The following RBFOX1 variants were observed in gnomAD, a reference collection of about 807,000 sequenced individuals.
The protein encoded by RBFOX1 is RNA binding protein fox-1 homolog 1.
A neutral mutation model predicts 57.7 loss-of-function variants in RBFOX1; 8 were observed. The ratio of observed to expected loss-of-function variants is 0.14; its 90% confidence interval spans 0.08 to 0.25. The LOEUF is 0.25. Ranked by LOEUF, RBFOX1 falls within the 10% of genes least tolerant of loss-of-function variation. The pLI is 1.00. For missense variants in RBFOX1, 611 were observed against 548.5 expected, an observed-to-expected ratio of 1.11 and a Z score of -1.14; for synonymous variants, 326 against 222.4, an observed-to-expected ratio of 1.47 and a Z score of -4.15.
chr16:7,699,399 C>T (rs983182456), intron 14 of RBFOX1, among the ~76,000 whole-genome samples: 1 of 152,122 alleles, frequency 6.6e-6, no homozygotes, highest in Admixed American at 6.6e-5. Flanking sequence ...GTTCTATTGC[C>T]CAGGCTGATC....
chr16:5,570,745 C>T lies in RBFOX1; in HGVS notation c.259-28157C>T, dbSNP rs1014607811. 4.0e-5 allele frequency among the ~76,000 whole-genome samples: 6 copies of T among 151,098 alleles called. 1 individual carries two copies. In the Middle Eastern group the frequency reaches 0.014, roughly 343 times the overall value. ...ATCCCAGTTACTCGGGAGGCTGAGG[C>T]ATGAGAATTGCTTGAACCCGGGAGA... On this transcript the variant is annotated intron_variant, in intron 2 of 2. Coordinates refer to the RBFOX1 transcript ENST00000585867.
chr16:6,327,087 C>A (rs1233577212), intron 2 of RBFOX1, among the ~76,000 whole-genome samples: 1 of 152,156 alleles, frequency 6.6e-6, no homozygotes, highest in African/African-American at 2.4e-5. Context: ...TAACATGCAC[C>A]ACTGTCCACA....
intron 1 of RBFOX1, among the ~76,000 whole-genome samples, chr16:6,077,684 T>TTTTATTTATTTATTTA (rs371733627): frequency 0.29 from 41,795 of 142,474 alleles, 6,874 homozygotes; most frequent in Non-Finnish European, 0.39. Context: ...CTTCTTTTAT[T>TTTTATTTATTTATTTA]TTTACTTATT....
At position 5,725,926 on chromosome 16, in the gene RBFOX1, C is replaced by T. The variant is rs192989611; in HGVS notation, c.318+126965C>T. ...TAATTCCTGAGCACTCAGTTCCTTC[C>T]TTTGCTGATGTGATGACATCCATAC... is the stretch of plus-strand genomic sequence containing the variant. On this transcript the variant is annotated intron_variant, in intron 3 of 19. Transcript: ENST00000641259. Among the ~76,000 whole-genome samples, 5 of 152,046 alleles carry T rather than the reference C, an allele frequency of 3.3e-5. No homozygotes were observed. The East Asian group carries it at 9.8e-4, about 30-fold the overall frequency.
intron 4 of RBFOX1, among the ~76,000 whole-genome samples, chr16:5,909,056 T>G (rs2058547840): frequency 1.3e-5 from 2 of 151,974 alleles, no homozygotes; most frequent in Non-Finnish European, 2.9e-5. Context: ...GTTCATGGTA[T>G]TTTATTATAT....
chr16:5,686,804 G>A lies in RBFOX1; in HGVS notation c.318+87843G>A, dbSNP rs796990155. 5.3e-5 allele frequency among the ~76,000 whole-genome samples: 8 copies of A among 152,090 alleles called. No homozygotes were observed. In the South Asian group the frequency reaches 1.2e-3, roughly 24 times the overall value. The stretch of plus-strand genomic sequence containing the variant: ...ATTCCATTTGGCTATCAATTAGTCA[G>A]CAAAACTGCTTCTAGTTCTGACAGA... On this transcript the variant is annotated intron_variant, in intron 3 of 19. Coordinates refer to the RBFOX1 transcript ENST00000641259.
intron 3 of RBFOX1, among the ~76,000 whole-genome samples, chr16:5,817,992 G>T (rs1000429937): frequency 6.6e-6 from 1 of 152,124 alleles, no homozygotes; most frequent in Non-Finnish European, 1.5e-5. Flanking sequence ...GCCTGGCCAG[G>T]TCTTGTGGGC....
intron 3 of RBFOX1, among the ~76,000 whole-genome samples, chr16:7,024,248 A>G (rs935305220): frequency 3.3e-5 from 5 of 152,210 alleles, no homozygotes; most frequent in Non-Finnish European, 5.9e-5. Flanking sequence ...TGCTCTGGAC[A>G]TGAATGCACA....
chr16:6,649,840 A>G (rs1215300326), intron 2 of RBFOX1, among the ~76,000 whole-genome samples: 1 of 152,152 alleles, frequency 6.6e-6, no homozygotes, highest in Non-Finnish European at 1.5e-5. Flanking sequence ...ATATATGTAT[A>G]GTATATTATA....
chr16:6,903,069 G>A (rs2068869740), intron 3 of RBFOX1, among the ~76,000 whole-genome samples: 1 of 152,122 alleles, frequency 6.6e-6, no homozygotes, highest in Admixed American at 6.5e-5. Context: ...AGCATCTGTT[G>A]GAGCAACCTG....
intron 1 of RBFOX1, among the ~76,000 whole-genome samples, chr16:6,269,590 A>C (rs1162814417): frequency 1.3e-5 from 2 of 152,226 alleles, no homozygotes; most frequent in Admixed American, 6.5e-5. Flanking sequence ...GTGTTTTCCA[A>C]GTGCTGAAAG....
intron 4 of RBFOX1, among the ~76,000 whole-genome samples, chr16:7,169,029 A>G (rs2080146836): frequency 6.6e-6 from 1 of 152,220 alleles, no homozygotes; most frequent in African/African-American, 2.4e-5. Context: ...CTAGATTTAT[A>G]GACAGTGTTT....
At chr16:6,307,947 T>G (rs2079736223) in intron 1 of RBFOX1, among the ~76,000 whole-genome samples, 1 of 148,410 alleles carries the variant, frequency 6.7e-6, no homozygotes, top group Non-Finnish European at 1.5e-5. Flanking sequence ...TCATTTAGGT[T>G]GTTATTTACA....
intron 3 of RBFOX1, among the ~76,000 whole-genome samples, chr16:6,852,420 A>G (rs892565493): frequency 1.3e-5 from 2 of 152,200 alleles, no homozygotes; most frequent in South Asian, 2.1e-4. Context: ...TACAAAGTTT[A>G]TAAGTTTCAG....
chr16:6,602,775 C>A (rs1396709383), intron 2 of RBFOX1, among the ~76,000 whole-genome samples: 1 of 152,118 alleles, frequency 6.6e-6, no homozygotes, highest in Admixed American at 6.6e-5. Flanking sequence ...ATTCCTCTTG[C>A]TATCATTTAG....
At chr16:6,682,861 GA>G (rs1191037312) in intron 3 of RBFOX1, among the ~76,000 whole-genome samples, 1 of 69,754 alleles carries the variant, frequency 1.4e-5, no homozygotes, top group African/African-American at 6.0e-5. Context: ...TTTGAAAAAA[GA>G]AAAGAATTAA....
intron 2 of RBFOX1, among the ~76,000 whole-genome samples, chr16:6,557,367 A>C (rs1405830120): frequency 2.0e-5 from 3 of 152,112 alleles, no homozygotes; most frequent in Admixed American, 2.0e-4. Context: ...GCTAAGAATT[A>C]TACTCAAATC....
chr16:7,226,985 A>C (rs1026542269), intron 4 of RBFOX1, among the ~76,000 whole-genome samples: 1 of 152,152 alleles, frequency 6.6e-6, no homozygotes, highest in Non-Finnish European at 1.5e-5. Flanking sequence ...GCTTGTCTTC[A>C]TCTCTCCAGG....
intron 3 of RBFOX1, among the ~76,000 whole-genome samples, chr16:6,962,243 A>G (rs995438833): frequency 6.6e-6 from 1 of 152,136 alleles, no homozygotes; most frequent in African/African-American, 2.4e-5. Context: ...GGTGTGTGTC[A>G]GACCTCCCTC....
Sources: gnomAD v4.1 joint callset for allele counts (sites outside exome capture counted in the v4.1 genomes callset) on GRCh38, gnomAD v4.1.1 for gene constraint, MANE v1.5 for transcripts, NCBI Gene and HGNC (gene_info 2026-07-23, HGNC 2026-07-21) for gene names.